The following CD99L2 variants were observed in gnomAD, a reference collection of about 807,000 sequenced individuals.
CD99L2 encodes CD99 molecule like 2.
CD99L2 carries 24 observed loss-of-function variants against 27.3 expected under a neutral mutation model. That is an observed-to-expected ratio of 0.88 (90% CI 0.64 to 1.24). The LOEUF (loss-of-function observed/expected upper bound fraction) is 1.24, where lower values mean the gene tolerates loss of function less well. Among genes scored for constraint, CD99L2 ranks in the 50% most tolerant of loss-of-function variants. The probability of loss-of-function intolerance (pLI) is 0.00; values close to 1 mark genes in which losing one functional copy is unlikely to be tolerated. For missense variants in CD99L2, 255 were observed against 221.6 expected, an observed-to-expected ratio of 1.15 and a Z score of -0.96; for synonymous variants, 97 against 87.9, an observed-to-expected ratio of 1.10 and a Z score of -0.58.
rs2043349044 is a variant in CD99L2 at position 150,768,501 on chromosome X, G to A, written c.*533C>T. On this transcript the variant is annotated 3_prime_UTR_variant, in exon 11 of 11. Transcript: ENST00000370377. ...GAAACCATCATCCTGGGTGCTGCGT[G>A]TGTGTGGTGTTACTTGGTGCTGACC... 1 of 114,059 alleles carries A rather than the reference G, an allele frequency of 8.8e-6. No individual in the cohort carries two copies. The highest frequency in any genetic ancestry group is 3.6e-4 in the South Asian group (1 of 2,764). 9.4% of individuals were successfully genotyped at this position (114,059 alleles called of 1,213,427 possible). A position where few individuals can be genotyped will look rare whatever the true frequency, so the allele number is the denominator to read the frequency against.
chrX:150,778,417 G>A (rs2045441318), intron 7 of CD99L2, among the ~76,000 whole-genome samples: 1 of 104,499 alleles, frequency 9.6e-6, no homozygotes, highest in African/African-American at 3.5e-5. Flanking sequence ...AAAGAGTCAG[G>A]AGGAATGGAG....
intron 3 of CD99L2, among the ~76,000 whole-genome samples, chrX:150,815,270 TAC>T (rs782555978): frequency 8.9e-5 from 10 of 112,027 alleles, no homozygotes; most frequent in Non-Finnish European, 1.7e-4. Context: ...CAAAACCAGG[TAC>T]ACAGAGTCCA....
At chrX:150,781,461 G>C (rs1304763586) in intron 7 of CD99L2, among the ~76,000 whole-genome samples, 1 of 111,482 alleles carries the variant, frequency 9.0e-6, no homozygotes, top group Non-Finnish European at 1.9e-5. Flanking sequence ...CCCACAGCTG[G>C]AGAGAGAGCT....
At chrX:150,883,965 G>A (rs960343419) in intron 1 of CD99L2, among the ~76,000 whole-genome samples, 5 of 111,078 alleles carry the variant, frequency 4.5e-5, no homozygotes, top group Middle Eastern at 4.6e-3. Flanking sequence ...AATACCAAGC[G>A]CTGGTGAGGC....
intron 4 of CD99L2, among the ~76,000 whole-genome samples, chrX:150,803,879 C>T (rs977902644): frequency 1.8e-5 from 2 of 112,123 alleles, no homozygotes; most frequent in African/African-American, 6.5e-5. Flanking sequence ...CAATTGACAA[C>T]AAAGCCACGT....
chrX:150,844,233 G>A (rs781877553), intron 1 of CD99L2, among the ~76,000 whole-genome samples: 5 of 112,297 alleles, frequency 4.5e-5, no homozygotes, highest in Non-Finnish European at 9.4e-5. Flanking sequence ...CCTTTCCCCT[G>A]CCCTCTGGCA....
rs1317541606 is a variant in CD99L2, at chrX:150,768,727, C to A, written c.*307G>T. On this transcript the variant is annotated 3_prime_UTR_variant, in exon 11 of 11. Transcript: ENST00000370377. ...TCAGGCCTCAGCATCATCTTGGCCCCCGCATCCTGTGCTCAGTAAAGCTGG... is the reference window on the plus strand; with the variant it reads ...TCAGGCCTCAGCATCATCTTGGCCCACGCATCCTGTGCTCAGTAAAGCTGG... 8.9e-6 allele frequency: 3 copies of A among 335,356 alleles called. No homozygotes were observed. Among genetic ancestry groups the A allele is most frequent in the Non-Finnish European group, 1.5e-5 (3 of 205,610 alleles). The allele number at this position is 335,356 out of a possible 1,213,427, so 27.6% of individuals were successfully genotyped here. A position where few individuals can be genotyped will look rare whatever the true frequency, so the allele number is the denominator to read the frequency against.
chrX:150,771,529 C>T (rs1355006504), intron 9 of CD99L2, among the ~76,000 whole-genome samples: 2 of 111,498 alleles, frequency 1.8e-5, no homozygotes, highest in African/African-American at 3.3e-5. Context: ...TATGTGCTCC[C>T]CAGGCATGAC....
intron 7 of CD99L2, among the ~76,000 whole-genome samples, chrX:150,789,372 T>C (rs1255077751): frequency 9.0e-6 from 1 of 111,598 alleles, no homozygotes. Context: ...TCCACCCGCG[T>C]CGGCCTCCAG....
At chrX:150,898,497 C>G in intron 1 of CD99L2, 25 bp downstream of exon 1, 1 of 1,093,778 alleles carries the variant, frequency 9.1e-7, no homozygotes, top group South Asian at 2.1e-5. Context: ...CCGCGCGGTC[C>G]CCGCGCGCCC....
At chrX:150,820,789 T>C (rs1370277406) in intron 2 of CD99L2, among the ~76,000 whole-genome samples, 1 of 110,439 alleles carries the variant, frequency 9.1e-6, no homozygotes, top group African/African-American at 3.3e-5. Context: ...TCCACATCAA[T>C]AAAAAAAACT....
chrX:150,831,346 T>C, intron 1 of CD99L2, 53 bp from the exon 2 acceptor site: 2 of 952,892 alleles, frequency 2.1e-6, no homozygotes, highest in Non-Finnish European at 2.9e-6. Flanking sequence ...AAAGTAATAA[T>C]GAAATATCCT....
chrX:150,798,115 G>C (rs2045829163), intron 4 of CD99L2, among the ~76,000 whole-genome samples: 1 of 66,035 alleles, frequency 1.5e-5, no homozygotes, highest in Non-Finnish European at 2.8e-5. Context: ...CACAGGAAGG[G>C]AGGGAGGGAG....
chrX:150,816,491 G>A, intron 2 of CD99L2: 1 of 154,352 alleles, frequency 6.5e-6, no homozygotes, highest in Non-Finnish European at 1.3e-5. Flanking sequence ...GGGATAGACT[G>A]AGGTTACATT....
chrX:150,782,310 A>C (rs948149941), intron 7 of CD99L2, among the ~76,000 whole-genome samples: 4 of 112,318 alleles, frequency 3.6e-5, no homozygotes, highest in African/African-American at 1.3e-4. Flanking sequence ...GTCAAACTGA[A>C]CTGAAAAATC....
At chrX:150,881,668 T>G (rs1251559781) in intron 1 of CD99L2, among the ~76,000 whole-genome samples, 1 of 112,121 alleles carries the variant, frequency 8.9e-6, no homozygotes, top group Non-Finnish European at 1.9e-5. Flanking sequence ...GGTGCCACAT[T>G]GCAGGAGAAA....
chrX:150,775,544 A>G (rs2043534605), intron 9 of CD99L2, among the ~76,000 whole-genome samples: 1 of 112,623 alleles, frequency 8.9e-6, no homozygotes, highest in Non-Finnish European at 1.9e-5. Context: ...CTGTCTTTTA[A>G]AAACCTAGTA....
chrX:150,845,137 C>A (rs181400695), intron 1 of CD99L2, among the ~76,000 whole-genome samples: 1 of 111,691 alleles, frequency 9.0e-6, no homozygotes, highest in East Asian at 2.8e-4. Context: ...ATGTCTACAA[C>A]GGTTGTTCAC....
At chrX:150,793,537 G>A (rs1298828900) in intron 7 of CD99L2, among the ~76,000 whole-genome samples, 154 bp downstream of exon 7, 1 of 112,304 alleles carries the variant, frequency 8.9e-6, no homozygotes, top group Non-Finnish European at 1.9e-5. Context: ...CCCTTGAACT[G>A]CATGGCTCAC....
Sources: gnomAD v4.1 joint callset for allele counts (sites outside exome capture counted in the v4.1 genomes callset) on GRCh38, gnomAD v4.1.1 for gene constraint, MANE v1.5 for transcripts, NCBI Gene and HGNC (gene_info 2026-07-23, HGNC 2026-07-21) for gene names.